Variants in COP1 observed in about 807,000 individuals in gnomAD.
The protein encoded by COP1 is COP1 E3 ubiquitin ligase.
In COP1, 24 loss-of-function variants were observed where a neutral mutation model predicts 101.3. The ratio of observed to expected loss-of-function variants is 0.24; its 90% confidence interval spans 0.17 to 0.33. The LOEUF is 0.33. COP1 is among the 10% of genes least tolerant of loss of function. COP1 has a pLI of 1.00. For synonymous variants in COP1, 347 were observed against 341.9 expected (o/e 1.01, Z -0.17); for missense variants, 663 against 906.2 (o/e 0.73, Z 3.45).
chr1:175,946,450 A>G (rs1393700806), intron 19 of COP1, among the ~76,000 whole-genome samples: 1 of 152,232 alleles, frequency 6.6e-6, no homozygotes, highest in African/African-American at 2.4e-5. Context: ...AGAAACACAC[A>G]CGTTATGTTA....
chr1:176,009,777 G>C (rs1266599281), intron 15 of COP1, among the ~76,000 whole-genome samples: 1 of 149,926 alleles, frequency 6.7e-6, no homozygotes, highest in Non-Finnish European at 1.5e-5. Flanking sequence ...CTGAGTTATA[G>C]TTACTTAGGA....
At chr1:176,184,769 C>A in intron 1 of COP1, 77 bp from the exon 2 acceptor site, 5 of 953,216 alleles carry the variant, frequency 5.2e-6, no homozygotes, top group Non-Finnish European at 8.3e-6. Context: ...AGTAACAATA[C>A]CAATGAAATC....
intron 11 of COP1, 145 bp downstream of exon 11, chr1:176,081,007 G>C: frequency 1.4e-6 from 1 of 693,764 alleles, no homozygotes; most frequent in East Asian, 2.8e-5. Context: ...TAGAAGCTCA[G>C]GAACTTGCCT....
At chr1:175,964,134 G>T (rs1286665258) in intron 18 of COP1, among the ~76,000 whole-genome samples, 1 of 152,112 alleles carries the variant, frequency 6.6e-6, no homozygotes, top group Non-Finnish European at 1.5e-5. Flanking sequence ...CTGAGGCACA[G>T]AAAGGTTAAA....
At position 176,170,303 on chromosome 1, in the gene COP1, T is replaced by G. The variant is rs925332014; in HGVS notation, c.565+5607A>C. On this transcript the variant is annotated intron_variant, in intron 3 of 19. Coordinates refer to ENST00000367669, the MANE Select transcript of COP1 (RefSeq NM_022457.7). ...ATGGTGAATCCTTTCCAAAAGGTTT[T>G]CCATTTACTTTGCCCAGATCTCAGA... Among the ~76,000 whole-genome samples the G allele has an allele frequency of 2.7e-4, 41 of 152,228 alleles. 2 individuals are homozygous for G. The highest frequency in any genetic ancestry group is 6.5e-5 in the Admixed American group (1 of 15,276).
At chr1:176,110,791 A>G (rs1204828823) in intron 9 of COP1, among the ~76,000 whole-genome samples, 2 of 152,208 alleles carry the variant, frequency 1.3e-5, no homozygotes. Context: ...TCCTCTTACT[A>G]GCTATATTAT....
intron 11 of COP1, among the ~76,000 whole-genome samples, chr1:176,049,193 AAAAAAAAAAAG>A (rs1355475856): frequency 1.3e-5 from 2 of 150,142 alleles, no homozygotes; most frequent in African/African-American, 4.9e-5. Flanking sequence ...AAAAAAAAAA[AAAAAAAAAAAG>A]AATTAAGATG....
At chr1:175,985,195 C>T (rs1656815529) in intron 18 of COP1, among the ~76,000 whole-genome samples, 1 of 152,278 alleles carries the variant, frequency 6.6e-6, no homozygotes, top group South Asian at 2.1e-4. Flanking sequence ...GTAAGCATAG[C>T]TACTTTCAAG....
chr1:176,025,762 C>A (rs531597413), intron 15 of COP1, among the ~76,000 whole-genome samples: 4 of 151,882 alleles, frequency 2.6e-5, no homozygotes, highest in African/African-American at 7.2e-5. Flanking sequence ...TGGTGGTGCA[C>A]GCCTGTAGTC....
intron 9 of COP1, among the ~76,000 whole-genome samples, chr1:176,099,774 A>C (rs1572226860): frequency 6.6e-6 from 1 of 152,156 alleles, no homozygotes; most frequent in Admixed American, 6.5e-5. Context: ...CCTTGTCTAC[A>C]CAGCTGCTGT....
chr1:176,171,207 A>AT (rs1286595594), intron 3 of COP1, among the ~76,000 whole-genome samples: 3 of 151,246 alleles, frequency 2.0e-5, no homozygotes, highest in Non-Finnish European at 1.5e-5. Flanking sequence ...TTCAACAATG[A>AT]TTTTTACCTA....
intron 9 of COP1, among the ~76,000 whole-genome samples, chr1:176,114,085 T>C (rs1685763155): frequency 6.6e-6 from 1 of 152,100 alleles, no homozygotes; most frequent in African/African-American, 2.4e-5. Flanking sequence ...TCTGTGAAAT[T>C]ATATTCAGAA....
intron 9 of COP1, among the ~76,000 whole-genome samples, chr1:176,089,299 T>TAACAACAACAAC (rs143549335): frequency 0.047 from 7,011 of 150,550 alleles, 242 homozygotes; most frequent in Non-Finnish European, 0.065. Context: ...TCTAAAACAA[T>TAACAACAACAAC]AACAACAACA....
intron 15 of COP1, among the ~76,000 whole-genome samples, chr1:176,010,695 G>A (rs1664504863): frequency 6.6e-6 from 1 of 152,152 alleles, no homozygotes; most frequent in Admixed American, 6.5e-5. Context: ...AAGGGAATCT[G>A]TCTCTCTTAT....
chr1:175,977,761 C>T (rs1361132206), intron 18 of COP1, among the ~76,000 whole-genome samples: 1 of 152,096 alleles, frequency 6.6e-6, no homozygotes, highest in African/African-American at 2.4e-5. Flanking sequence ...CTAAGCAAAA[C>T]ATACTTATTT....
In COP1 at chr1:176,148,162, G is replaced by A. The variant is rs147481704; in HGVS notation, c.831+844C>T. ...GAATATTAAAATCACAACTAAATTA[G>A]CAACAGTTGAGAATAAGAAAAATCT... On this transcript the variant is annotated intron_variant, in intron 6 of 19. Coordinates refer to ENST00000367669, the MANE Select transcript of COP1 (RefSeq NM_022457.7). 2.6e-3 allele frequency among the ~76,000 whole-genome samples: 398 copies of A among 151,534 alleles called. 3 individuals carry two copies. The highest frequency in any genetic ancestry group is 9.2e-3 in the African/African-American group (380 of 41,326).
rs1487343662 is a variant in COP1, at chr1:176,206,771, C to G, written c.208G>C (p.Val70Leu). 1 of 1,446,512 alleles carries G rather than the reference C, an allele frequency of 6.9e-7. No individual in the cohort carries two copies. Among genetic ancestry groups the G allele is most frequent in the South Asian group, 1.4e-5 (1 of 72,910 alleles). The allele number at this position is 1,446,512 out of a possible 1,614,324, so 89.6% of individuals were successfully genotyped here. A position where few individuals can be genotyped will look rare whatever the true frequency, so the allele number is the denominator to read the frequency against. Residue 70 changes from valine (V) to leucine (L), a missense_variant, in exon 1 of 20, where the codon GTG becomes CTG. By Grantham distance (32) the Val-to-Leu change is conservative (BLOSUM62 1). This residue lies in a region of COP1 where 204 missense variants were observed against 203.6 expected (regional missense o/e 1.00). Transcript: ENST00000367669. ...GLGGPVRPVL[V>L]APAVSGSGGG... ...CCGCTACCCGATACGGCGGGCGCCA[C>G]CAACACAGGCCGCACCGGGCCCCCG...
intron 6 of COP1, among the ~76,000 whole-genome samples, chr1:176,137,811 G>T (rs1690044165): frequency 2.0e-5 from 3 of 152,062 alleles, no homozygotes; most frequent in Admixed American, 2.0e-4. Context: ...TACAGGCAAA[G>T]TTGGTAATAT....
intron 18 of COP1, among the ~76,000 whole-genome samples, chr1:175,970,173 G>T (rs10798426): frequency 0.98 from 149,931 of 152,238 alleles, 73,882 homozygotes; most frequent in East Asian, 1. Flanking sequence ...CAAGATGAAT[G>T]TGAACATCAG....
Sources: gnomAD v4.1 joint callset for allele counts (sites outside exome capture counted in the v4.1 genomes callset) on GRCh38, gnomAD v4.1.1 for gene constraint, gnomAD v4.1.1 regional missense constraint, MANE v1.5 for transcripts, NCBI Gene and HGNC (gene_info 2026-07-23, HGNC 2026-07-21) for gene names.